The following CDH18 variants were observed in gnomAD, a reference collection of about 807,000 sequenced individuals.
CDH18 encodes cadherin 18.
A neutral mutation model predicts 67.9 loss-of-function variants in CDH18; 31 were observed. The ratio of observed to expected loss-of-function variants is 0.46; its 90% CI spans 0.34 to 0.62. The LOEUF is 0.62. Ranked by LOEUF, CDH18 falls within the 20% of genes least tolerant of loss-of-function variation. The pLI, the probability that CDH18 is intolerant of heterozygous loss-of-function variation, is 0.01. For synonymous variants in CDH18, 362 were observed against 347.2 expected, an observed-to-expected ratio of 1.04 and a Z score of -0.48; for missense variants, 890 against 975.5, an observed-to-expected ratio of 0.91 and a Z score of 1.17.
intron 3 of CDH18, among the ~76,000 whole-genome samples, chr5:19,751,046 A>C (rs1770777808): frequency 6.6e-6 from 1 of 152,264 alleles, no homozygotes; most frequent in Admixed American, 6.5e-5. Flanking sequence ...TAGTGAAGCA[A>C]AATGCTAGTA....
At chr5:20,306,851 ATAAT>A (rs1256552144) in intron 1 of CDH18, among the ~76,000 whole-genome samples, 5 of 135,638 alleles carry the variant, frequency 3.7e-5, no homozygotes, top group African/African-American at 8.6e-5. Context: ...AATTTGTTTA[ATAAT>A]TTATGATTTA....
intron 2 of CDH18, among the ~76,000 whole-genome samples, chr5:20,141,318 C>A (rs1288116367): frequency 1.3e-5 from 2 of 152,040 alleles, no homozygotes; most frequent in Non-Finnish European, 2.9e-5. Context: ...AGACAAATCA[C>A]AAGAAGGGAG....
intron 1 of CDH18, among the ~76,000 whole-genome samples, chr5:20,344,925 T>A (rs1740582720): frequency 1.3e-5 from 2 of 152,318 alleles, no homozygotes; most frequent in East Asian, 3.9e-4. Flanking sequence ...TGTCATTGCA[T>A]TTGTTCTAAC....
chr5:19,867,596 T>C (rs1483351733), intron 2 of CDH18, among the ~76,000 whole-genome samples: 1 of 116,164 alleles, frequency 8.6e-6, no homozygotes, highest in African/African-American at 3.2e-5. Context: ...GCTTGATTGA[T>C]GTAATTTTAT....
chr5:19,914,910 T>C (rs1479214217), intron 2 of CDH18, among the ~76,000 whole-genome samples: 11 of 152,136 alleles, frequency 7.2e-5, no homozygotes, highest in Non-Finnish European at 1.5e-4. Context: ...AATTTTTTTG[T>C]GGTGATATTA....
At chr5:20,160,557 CT>C (rs538368854) in intron 2 of CDH18, among the ~76,000 whole-genome samples, 2 of 152,012 alleles carry the variant, frequency 1.3e-5, no homozygotes, top group African/African-American at 4.8e-5. Context: ...TGAAAGAATC[CT>C]TTTTTTAATA....
In CDH18 at chr5:19,786,018, T is replaced by C. The variant is rs115593235; in HGVS notation, c.229-38782A>G. ...ATTGAACTTTGAAGCAGCAGGAGGATTACAGTAACGAGACATATTTCTGAA... is the reference window on the plus strand; with the variant it reads ...ATTGAACTTTGAAGCAGCAGGAGGACTACAGTAACGAGACATATTTCTGAA... On this transcript the variant is annotated intron_variant, in intron 3 of 12. Transcript: ENST00000382275. Among the ~76,000 whole-genome samples, 1,302 of 151,920 alleles carry C rather than the reference T, an allele frequency of 8.6e-3. 19 individuals carry two copies. Among genetic ancestry groups the C allele is most frequent in the African/African-American group, 0.029 (1,221 of 41,470 alleles).
At chr5:19,550,039 A>G (rs1302075868) in intron 8 of CDH18, among the ~76,000 whole-genome samples, 1 of 152,140 alleles carries the variant, frequency 6.6e-6, no homozygotes, top group Non-Finnish European at 1.5e-5. Context: ...AGAGAAAAAC[A>G]GAGAGAAAGA....
At chr5:20,565,690 A>T (rs989539793) in intron 1 of CDH18, among the ~76,000 whole-genome samples, 1 of 151,844 alleles carries the variant, frequency 6.6e-6, no homozygotes, top group African/African-American at 2.4e-5. Flanking sequence ...GTAAGCCTGC[A>T]TATAATCAAT....
intron 2 of CDH18, among the ~76,000 whole-genome samples, chr5:19,979,412 G>A (rs1052493801): frequency 5.9e-5 from 9 of 151,960 alleles, no homozygotes; most frequent in Non-Finnish European, 1.2e-4. Context: ...TTTATATCTC[G>A]GTTCCTAATG....
intron 2 of CDH18, among the ~76,000 whole-genome samples, chr5:20,242,601 A>ATTGT (rs1454331020): frequency 1.8e-5 from 1 of 55,834 alleles, no homozygotes; most frequent in East Asian, 4.3e-4. Flanking sequence ...TGAGGGAAAA[A>ATTGT]AAAAAAAAAA....
rs188968896 is a variant in CDH18 at position 19,674,519 on chromosome 5, A to G, written c.643+46828T>C. On this transcript the variant is annotated intron_variant, in intron 5 of 12. Transcript: ENST00000382275. ...ACCTGCTTGTCTTAATATTAACTATATGCATCACTAGTCTATTGACTCTTA... is the reference window on the plus strand; with the variant it reads ...ACCTGCTTGTCTTAATATTAACTATGTGCATCACTAGTCTATTGACTCTTA... Among the ~76,000 whole-genome samples, 147 of 152,212 alleles carry G rather than the reference A, an allele frequency of 9.7e-4. 2 individuals are homozygous for G. In the East Asian group the frequency reaches 0.027, roughly 28 times the overall value.
chr5:20,094,956 C>G (rs1745762412), intron 2 of CDH18, among the ~76,000 whole-genome samples: 1 of 152,058 alleles, frequency 6.6e-6, no homozygotes, highest in Non-Finnish European at 1.5e-5. Flanking sequence ...CACATATATA[C>G]CATGGAATAC....
chr5:19,870,525 C>T (rs1786141116), intron 2 of CDH18, among the ~76,000 whole-genome samples: 2 of 151,960 alleles, frequency 1.3e-5, no homozygotes, highest in African/African-American at 4.8e-5. Flanking sequence ...TATAGAGTAT[C>T]CTTATGTTAT....
At chr5:19,728,489 T>G (rs897108726) in intron 4 of CDH18, among the ~76,000 whole-genome samples, 1 of 152,184 alleles carries the variant, frequency 6.6e-6, no homozygotes, top group African/African-American at 2.4e-5. Context: ...AACTTAAATC[T>G]TATTTTCTTT....
intron 1 of CDH18, among the ~76,000 whole-genome samples, chr5:20,384,648 G>T (rs1378876967): frequency 6.6e-6 from 1 of 151,952 alleles, no homozygotes; most frequent in African/African-American, 2.4e-5. Flanking sequence ...CAATTTTTTT[G>T]ATAAGCTTCC....
At position 19,845,505 on chromosome 5, in the gene CDH18, C is replaced by T. The variant is rs184546962; in HGVS notation, c.-256-6263G>A. ...TTTTGATGCAGTTGGGTGTAATGTT[C>T]CATATATGTCTGTTAAAGCCATTTG... On this transcript the variant is annotated intron_variant, in intron 2 of 12. Coordinates refer to ENST00000382275, the MANE Select transcript of CDH18 (RefSeq NM_004934.5). Among the ~76,000 whole-genome samples the T allele has an allele frequency of 1.9e-3, 291 of 152,080 alleles. 1 individual carries two copies. Among genetic ancestry groups the T allele is most frequent in the African/African-American group, 6.6e-3 (273 of 41,514 alleles).
intron 5 of CDH18, among the ~76,000 whole-genome samples, chr5:19,696,373 C>G (rs560147511): frequency 6.6e-6 from 1 of 151,700 alleles, no homozygotes; most frequent in Non-Finnish European, 1.5e-5. Flanking sequence ...CCTGTCTCTA[C>G]TAAAAATACA....
At chr5:20,089,620 T>C (rs1244542257) in intron 2 of CDH18, among the ~76,000 whole-genome samples, 1 of 152,112 alleles carries the variant, frequency 6.6e-6, no homozygotes, top group Non-Finnish European at 1.5e-5. Context: ...TTCACTTCAG[T>C]GTGGTTCTTA....
Sources: allele counts gnomAD v4.1 joint callset (sites outside exome capture counted in the v4.1 genomes callset), GRCh38; gene constraint gnomAD v4.1.1; transcripts MANE v1.5; gene names NCBI Gene and HGNC (gene_info 2026-07-23, HGNC 2026-07-21).